Variants in EMSY observed in about 807,000 individuals in gnomAD.
EMSY encodes BRCA2-interacting transcriptional repressor EMSY.
Under a neutral mutation model 134.6 loss-of-function variants are expected in EMSY, and 26 were observed. The observed-to-expected ratio is 0.19, with a 90% confidence interval of 0.14 to 0.27. The LOEUF is 0.27. Among genes scored for constraint, EMSY ranks in the 10% least tolerant of loss-of-function variants. The pLI is 1.00. For missense variants in EMSY, 1,305 were observed against 1,611.4 expected (o/e 0.81, Z 3.26); for synonymous variants, 579 against 577.8 (o/e 1.00, Z -0.03).
At chr11:76,533,652 A>G (rs906315259) in intron 14 of EMSY, among the ~76,000 whole-genome samples, 1 of 152,208 alleles carries the variant, frequency 6.6e-6, no homozygotes. Context: ...ATTCTTCCAT[A>G]GAGATGTCTG....
At chr11:76,476,077 T>G (rs779705760) in intron 8 of EMSY, among the ~76,000 whole-genome samples, 4 of 152,264 alleles carry the variant, frequency 2.6e-5, no homozygotes, top group Non-Finnish European at 5.9e-5. Flanking sequence ...TGGATTTTAC[T>G]GATTTCATCT....
In EMSY at chr11:76,475,616, T is replaced by A. The variant is rs553920692; in HGVS notation, c.1108+2776T>A. On this transcript the variant is annotated intron_variant, in intron 8 of 20. Coordinates refer to ENST00000334736, the Ensembl canonical transcript of EMSY. ...TGAGTATAGATACTCAAGGAAACGA[T>A]GTGATTATTTTGTTTCTGTTCGAGA... Among the ~76,000 whole-genome samples the A allele has an allele frequency of 3.9e-5, 6 of 152,314 alleles. No homozygotes were observed. The East Asian group carries it at 1.2e-3, about 29-fold the overall frequency.
chr11:76,528,511 A>T (rs1950922415), intron 14 of EMSY, 45 bp downstream of exon 15: 1 of 1,432,082 alleles, frequency 7.0e-7, no homozygotes, highest in South Asian at 1.3e-5. Context: ...CTACTGACAT[A>T]GTGCCCAAAT....
At chr11:76,448,327 A>G (rs532532655) in intron 2 of EMSY, among the ~76,000 whole-genome samples, 15 of 151,684 alleles carry the variant, frequency 9.9e-5, no homozygotes, top group East Asian at 1.9e-4. Context: ...GGGGATGTCA[A>G]TCTTTTTTTT....
chr11:76,507,598 C>T (rs1950123546), intron 9 of EMSY, among the ~76,000 whole-genome samples: 1 of 152,164 alleles, frequency 6.6e-6, no homozygotes, highest in South Asian at 2.1e-4. Flanking sequence ...AACTCCTCAT[C>T]TAGTCAAGTT....
intron 8 of EMSY, among the ~76,000 whole-genome samples, chr11:76,487,576 G>A (rs7106564): frequency 0.55 from 83,663 of 152,108 alleles, 24,070 homozygotes; most frequent in East Asian, 0.72. Flanking sequence ...TACAAGTTCA[G>A]AGTTAGGAAT....
chr11:76,548,395 A>G (rs1320555126), intron 20 of EMSY, among the ~76,000 whole-genome samples: 1 of 152,206 alleles, frequency 6.6e-6, no homozygotes, highest in Non-Finnish European at 1.5e-5. Flanking sequence ...TCATTCATTC[A>G]TTTATTCCAC....
At position 76,536,871 on chromosome 11, in the gene EMSY, T is replaced by C. The variant is rs537989748; in HGVS notation, c.2359+812T>C. Reference sequence around the variant, plus strand: ...GTCCTCTCTACTTGTAGGGTGACTTTTGTATTTTTGTTGTTGTTGTTGTTT... The same window carrying C: ...GTCCTCTCTACTTGTAGGGTGACTTCTGTATTTTTGTTGTTGTTGTTGTTT... On this transcript the variant is annotated intron_variant, in intron 15 of 20. Coordinates refer to ENST00000334736, the Ensembl canonical transcript of EMSY. Among the ~76,000 whole-genome samples the C allele has an allele frequency of 1.1e-4, 17 of 152,274 alleles. No homozygotes were observed. The South Asian group carries it at 3.5e-3, about 32-fold the overall frequency.
chr11:76,522,628 T>C (rs1950690044), intron 11 of EMSY, among the ~76,000 whole-genome samples: 1 of 152,176 alleles, frequency 6.6e-6, no homozygotes, highest in Non-Finnish European at 1.5e-5. Context: ...CTCAAAATAC[T>C]GGGATTATGA....
intron 8 of EMSY, among the ~76,000 whole-genome samples, chr11:76,477,493 A>T (rs549034011): frequency 7.9e-5 from 12 of 152,098 alleles, no homozygotes; most frequent in African/African-American, 2.4e-4. Flanking sequence ...ATTTTTTAGC[A>T]TATAAGCAAA....
At position 76,539,449 on chromosome 11, in the gene EMSY, A is replaced by G. The variant is rs531675551; in HGVS notation, c.2516-150A>G. ...CCAGGTAAGATATGGAAAGCCATCT[A>G]GAATCTTTCTTTAGAGATATTTAGC... On this transcript the variant is annotated intron_variant, in intron 16 of 20. Transcript: ENST00000334736. 9.7e-6 allele frequency: 7 copies of G among 721,362 alleles called. No homozygotes were observed. In the South Asian group the frequency reaches 1.3e-4, roughly 13 times the overall value. 44.7% of individuals were successfully genotyped at this position (721,362 alleles called of 1,614,324 possible).
intron 14 of EMSY, 65 bp from the exon 16 acceptor site, chr11:76,535,830 G>GA: frequency 1.1e-6 from 1 of 906,694 alleles, no homozygotes; most frequent in Non-Finnish European, 1.5e-6. Flanking sequence ...AAAATTGTTT[G>GA]TTTTTTTTTT....
At chr11:76,465,026 A>G (rs1948293051) in intron 7 of EMSY, among the ~76,000 whole-genome samples, 1 of 152,176 alleles carries the variant, frequency 6.6e-6, no homozygotes, top group African/African-American at 2.4e-5. Flanking sequence ...GAATTCTGAA[A>G]TTTCAAGGTA....
At chr11:76,528,823 A>G (rs1188642040) in intron 14 of EMSY, among the ~76,000 whole-genome samples, 1 of 152,094 alleles carries the variant, frequency 6.6e-6, no homozygotes, top group Non-Finnish European at 1.5e-5. Context: ...AGAAGTGAAT[A>G]TATATTTTGA....
At chr11:76,472,034 A>G (rs971905928) in intron 7 of EMSY, among the ~76,000 whole-genome samples, 1 of 139,450 alleles carries the variant, frequency 7.2e-6, no homozygotes, top group African/African-American at 2.6e-5. Context: ...CAGTGCTCCC[A>G]TCATTCTTTA....
Position 76,516,128 on chromosome 11 carries a change from T to C in EMSY, c.1514-14T>C. 6.2e-7 allele frequency: 1 copy of C among 1,604,276 alleles called. No individual in the cohort carries two copies. Among genetic ancestry groups the C allele is most frequent in the Non-Finnish European group, 8.5e-7 (1 of 1,175,348 alleles). Reference sequence around the variant, plus strand: ...CAATGACAAGTTTTTCTTTTGGCTTTTCCCTTTCTGTAGGCACACAAGCAA... The same window carrying C: ...CAATGACAAGTTTTTCTTTTGGCTTCTCCCTTTCTGTAGGCACACAAGCAA... On this transcript the variant is annotated splice_polypyrimidine_tract_variant and intron_variant, in intron 10 of 20. Coordinates refer to ENST00000334736, the Ensembl canonical transcript of EMSY.
intron 2 of EMSY, among the ~76,000 whole-genome samples, chr11:76,447,485 A>G (rs561211109): frequency 6.6e-6 from 1 of 152,218 alleles, no homozygotes; most frequent in Non-Finnish European, 1.5e-5. Context: ...TGTCAATTAC[A>G]TACTATTTCT....
chr11:76,470,096 A>T (rs1481544619), intron 7 of EMSY, among the ~76,000 whole-genome samples: 1 of 152,166 alleles, frequency 6.6e-6, no homozygotes, highest in Non-Finnish European at 1.5e-5. Flanking sequence ...ATATAATAAC[A>T]ATGTTATGGT....
At chr11:76,450,078 G>A (rs1297108705) in intron 2 of EMSY, among the ~76,000 whole-genome samples, 1 of 129,130 alleles carries the variant, frequency 7.7e-6, no homozygotes, top group Non-Finnish European at 1.6e-5. Context: ...TTTTTTCCCT[G>A]CCTGCCTGGC....
Sources: gnomAD v4.1 joint callset for allele counts (sites outside exome capture counted in the v4.1 genomes callset) on GRCh38, gnomAD v4.1.1 for gene constraint, MANE v1.5 for transcripts, NCBI Gene and HGNC (gene_info 2026-07-23, HGNC 2026-07-21) for gene names.